The following PCDH15 variants were observed in gnomAD, a reference collection of about 807,000 sequenced individuals.
The protein encoded by PCDH15 is protocadherin-15.
PCDH15 carries 129 observed loss-of-function variants against 178.5 expected under a neutral mutation model. That is an observed-to-expected ratio of 0.72 (90% CI 0.63 to 0.84). PCDH15 has a LOEUF of 0.84. Among genes scored for constraint, PCDH15 ranks in the 40% least tolerant of loss-of-function variants. The probability of loss-of-function intolerance (pLI) is 0.00; values close to 1 mark genes in which losing one functional copy is unlikely to be tolerated. For synonymous variants in PCDH15, 800 were observed against 732.0 expected (o/e 1.09, Z -1.50); for missense variants, 2,230 against 2,099.9 (o/e 1.06, Z -1.21).
intron 2 of PCDH15, among the ~76,000 whole-genome samples, chr10:54,647,756 T>G (rs1473165539): frequency 6.6e-6 from 1 of 152,116 alleles, no homozygotes; most frequent in Non-Finnish European, 1.5e-5. Context: ...CATTGATTTC[T>G]TCTTCCTTTG....
intron 30 of PCDH15, 61 bp from the exon 31 acceptor site, chr10:53,828,634 A>C (rs1027035637): frequency 1.6e-6 from 2 of 1,262,694 alleles, no homozygotes; most frequent in Non-Finnish European, 2.3e-6. Flanking sequence ...TGCATTAATA[A>C]CATTTTAACA....
intron 2 of PCDH15, among the ~76,000 whole-genome samples, chr10:55,137,013 A>G (rs1235585034): frequency 2.6e-5 from 4 of 152,186 alleles, no homozygotes; most frequent in African/African-American, 4.8e-5. Flanking sequence ...GTTTTGGCTT[A>G]TTTAAATTTA....
intron 1 of PCDH15, among the ~76,000 whole-genome samples, chr10:54,744,220 A>G (rs1945177841): frequency 6.6e-6 from 1 of 152,104 alleles, no homozygotes; most frequent in Non-Finnish European, 1.5e-5. Context: ...GAGTGACTAT[A>G]AAAGTGGACC....
intron 8 of PCDH15, among the ~76,000 whole-genome samples, chr10:54,278,485 A>T (rs1167086004): frequency 1.3e-5 from 2 of 151,632 alleles, no homozygotes; most frequent in African/African-American, 2.4e-5. Flanking sequence ...TAGGATACAG[A>T]AATGGGTAAA....
At chr10:54,913,157 C>T (rs960997890) in intron 2 of PCDH15, among the ~76,000 whole-genome samples, 6 of 152,178 alleles carry the variant, frequency 3.9e-5, no homozygotes, top group African/African-American at 1.4e-4. Flanking sequence ...TAAAGAGGAG[C>T]CTAATGGTAG....
chr10:53,957,758 GA>G (rs375160552), intron 23 of PCDH15, among the ~76,000 whole-genome samples: 134 of 152,164 alleles, frequency 8.8e-4, no homozygotes, highest in African/African-American at 3.1e-3. Context: ...ATAAGGAGGG[GA>G]CTACTGTATT....
intron 3 of PCDH15, among the ~76,000 whole-genome samples, chr10:54,436,410 A>C (rs11816482): frequency 0.032 from 4,859 of 152,230 alleles, 117 homozygotes; most frequent in African/African-American, 0.059. Flanking sequence ...ATATGTTATT[A>C]ATGAACAAAA....
intron 2 of PCDH15, among the ~76,000 whole-genome samples, chr10:54,658,298 ATAT>A (rs1049946264): frequency 1.3e-5 from 2 of 152,258 alleles, no homozygotes; most frequent in South Asian, 2.1e-4. Flanking sequence ...TATCTGTAAG[ATAT>A]TATACAAATG....
At chr10:55,157,092 C>T (rs1838909736) in intron 2 of PCDH15, among the ~76,000 whole-genome samples, 1 of 151,218 alleles carries the variant, frequency 6.6e-6, no homozygotes, top group South Asian at 2.1e-4. Flanking sequence ...AATAAAGTAT[C>T]TTAACACATA....
In PCDH15 at chr10:54,421,895, C is replaced by A. The variant is rs527342584; in HGVS notation, c.158-42953G>T. Among the ~76,000 whole-genome samples, 71 of 61,584 alleles carry A rather than the reference C, an allele frequency of 1.2e-3. 6 individuals carry two copies. The highest frequency in any genetic ancestry group is 4.2e-3 in the African/African-American group (51 of 12,190). 40.4% of individuals were successfully genotyped at this position (61,584 alleles called of 152,430 possible). Reference sequence around the variant, plus strand: ...CTATATATATATATACACACACACACTATATATATATATACACTATATATA... The same window carrying A: ...CTATATATATATATACACACACACAATATATATATATATACACTATATATA... On this transcript the variant is annotated intron_variant, in intron 3 of 37. Transcript: ENST00000644397.
At chr10:54,258,250 AATTT>A (rs1255903451) in intron 8 of PCDH15, among the ~76,000 whole-genome samples, 1 of 152,168 alleles carries the variant, frequency 6.6e-6, no homozygotes, top group Admixed American at 6.5e-5. Flanking sequence ...TTGAAAACAG[AATTT>A]ATTTGTTTTG....
At chr10:54,083,921 G>A (rs2094474370) in intron 16 of PCDH15, among the ~76,000 whole-genome samples, 1 of 152,032 alleles carries the variant, frequency 6.6e-6, no homozygotes, top group African/African-American at 2.4e-5. Context: ...TAAAAATGGT[G>A]TTCAAACATA....
At chr10:54,192,112 A>G (rs1047111735) in intron 11 of PCDH15, among the ~76,000 whole-genome samples, 2 of 139,512 alleles carry the variant, frequency 1.4e-5, no homozygotes, top group African/African-American at 5.7e-5. Context: ...AGAAAGAAAA[A>G]AAAAAAAGAA....
At chr10:54,800,411 C>T (rs896371287) in intron 1 of PCDH15, among the ~76,000 whole-genome samples, 6 of 152,072 alleles carry the variant, frequency 3.9e-5, no homozygotes, top group African/African-American at 1.4e-4. Flanking sequence ...GTAAAAATAT[C>T]AGTATACTCA....
intron 3 of PCDH15, among the ~76,000 whole-genome samples, chr10:54,842,904 G>C: frequency 6.6e-6 from 1 of 151,850 alleles, no homozygotes; most frequent in East Asian, 1.9e-4. Flanking sequence ...GGAAAAGGAA[G>C]GCAGGCATTA....
chr10:55,292,330 A>G (rs1049202164), intron 1 of PCDH15, among the ~76,000 whole-genome samples: 5 of 152,158 alleles, frequency 3.3e-5, no homozygotes, highest in South Asian at 2.1e-4. Context: ...CCCCAAGCAA[A>G]TCTAAAATCC....
At chr10:55,387,256 C>G (rs2132009120) in intron 2 of PCDH15, among the ~76,000 whole-genome samples, 1 of 152,044 alleles carries the variant, frequency 6.6e-6, no homozygotes, top group East Asian at 1.9e-4. Context: ...TCCAGAGAGC[C>G]CTAGGATCGC....
At chr10:54,091,506 G>C (rs1434097601) in intron 15 of PCDH15, among the ~76,000 whole-genome samples, 1 of 152,172 alleles carries the variant, frequency 6.6e-6, no homozygotes, top group Non-Finnish European at 1.5e-5. Context: ...ACACAGTCCT[G>C]CTCACAGAAC....
At chr10:54,399,933 C>T (rs1951729254) in intron 3 of PCDH15, among the ~76,000 whole-genome samples, 1 of 152,104 alleles carries the variant, frequency 6.6e-6, no homozygotes, top group African/African-American at 2.4e-5. Flanking sequence ...GCAATGCACC[C>T]TTTCTTTTCT....
Sources: allele counts gnomAD v4.1 joint callset (sites outside exome capture counted in the v4.1 genomes callset), GRCh38; gene constraint gnomAD v4.1.1; transcripts MANE v1.5; gene names NCBI Gene and HGNC (gene_info 2026-07-23, HGNC 2026-07-21).